The following MARCHF6 variants were observed in gnomAD, a reference collection of about 807,000 sequenced individuals.
The protein encoded by MARCHF6 is membrane associated ring-CH-type finger 6.
MARCHF6 carries 31 observed loss-of-function variants against 133.7 expected under a neutral mutation model. That is an observed-to-expected ratio of 0.23 (90% CI 0.17 to 0.31). The LOEUF is 0.31. MARCHF6 is among the 10% of genes least tolerant of loss of function. The pLI, the probability that MARCHF6 is intolerant of heterozygous loss-of-function variation, is 1.00. For missense variants in MARCHF6, 723 were observed against 1,121.6 expected (o/e 0.64, Z 5.08); for synonymous variants, 395 against 402.5 (o/e 0.98, Z 0.22).
chr5:10,397,203 A>G (rs1738244720), intron 9 of MARCHF6, 90 bp from the exon 10 acceptor site: 14 of 870,852 alleles, frequency 1.6e-5, no homozygotes, highest in Non-Finnish European at 2.2e-5. Context: ...TGTTTTTACT[A>G]TTTGGCTCTA....
At chr5:10,388,408 A>G (rs745829698) in intron 5 of MARCHF6, among the ~76,000 whole-genome samples, 8 of 152,052 alleles carry the variant, frequency 5.3e-5, no homozygotes, top group Non-Finnish European at 8.8e-5. Context: ...ACCAGTTTCT[A>G]TGTATTCTGT....
chr5:10,395,108 T>C (rs1475361642), intron 9 of MARCHF6, among the ~76,000 whole-genome samples: 1 of 152,198 alleles, frequency 6.6e-6, no homozygotes, highest in Admixed American at 6.5e-5. Flanking sequence ...CAAAACTAAT[T>C]CTTTCTAGTA....
intron 10 of MARCHF6, among the ~76,000 whole-genome samples, chr5:10,398,778 G>A (rs372085254): frequency 3.3e-5 from 5 of 152,054 alleles, no homozygotes; most frequent in African/African-American, 9.7e-5. Context: ...CTTATATTGC[G>A]AAAAGAATTT....
rs1021935627 is a variant in MARCHF6 at position 10,426,260 on chromosome 5, C to T, written c.2374-130C>T. 20 of 1,048,842 alleles carry T rather than the reference C, an allele frequency of 1.9e-5. No individual in the cohort carries two copies. In the Admixed American group the frequency reaches 4.4e-4, roughly 23 times the overall value. 65.0% of individuals were successfully genotyped at this position (1,048,842 alleles called of 1,614,324 possible). A position where few individuals can be genotyped will look rare whatever the true frequency, so the allele number is the denominator to read the frequency against. ...CTTATGTTGATATACCAGAATTTGC[C>T]TTGACTTTAGAAGAAGTAACCAGTT... On this transcript the variant is annotated intron_variant, in intron 23 of 25. Transcript: ENST00000274140.
Position 10,434,042 on chromosome 5 carries a change from G to C in MARCHF6, c.*358G>C. On this transcript the variant is annotated 3_prime_UTR_variant, in exon 26 of 26. Transcript: ENST00000274140. ...ATCTCGACAGGAAACGTGCCACAGAGCAGTAGTGCGCAGGCAAGACTTTTC... is the reference window on the plus strand; with the variant it reads ...ATCTCGACAGGAAACGTGCCACAGACCAGTAGTGCGCAGGCAAGACTTTTC... 4.4e-6 allele frequency: 1 copy of C among 225,966 alleles called. No homozygotes were observed. The allele number at this position is 225,966 out of a possible 1,614,324, so 14.0% of individuals were successfully genotyped here.
chr5:10,363,946 G>C (rs1029229498), intron 1 of MARCHF6, among the ~76,000 whole-genome samples: 1 of 152,212 alleles, frequency 6.6e-6, no homozygotes, highest in African/African-American at 2.4e-5. Context: ...TGGAACTGGG[G>C]AGAGCAGATG....
In MARCHF6 at chr5:10,377,887, CA is replaced by C; in HGVS notation, c.111del (p.Glu38AsnfsTer3). 1 of 1,605,546 alleles carries C rather than the reference CA, an allele frequency of 6.2e-7. No homozygotes were observed. Among genetic ancestry groups the C allele is most frequent in the Non-Finnish European group, 8.5e-7 (1 of 1,172,368 alleles). ...VCTGSIKFIH[Q>X]ECLVQWLKHS... Reference sequence around the variant, plus strand: ...TACTGGCAGTATTAAGTTTATCCATCAAGAATGGTAAGTCATACTTTTAGAA... The same window carrying C: ...TACTGGCAGTATTAAGTTTATCCATCAGAATGGTAAGTCATACTTTTAGAA... On this transcript the variant is annotated frameshift_variant, in exon 2 of 26. Transcript: ENST00000274140. LOFTEE classifies it high-confidence loss of function.
At chr5:10,380,155 T>TTG (rs200405883) in intron 3 of MARCHF6, among the ~76,000 whole-genome samples, 23,343 of 145,688 alleles carry the variant, frequency 0.16, 1,740 homozygotes, top group Middle Eastern at 0.2. Flanking sequence ...TGTGTTTTAG[T>TTG]TGTGTGTGTG....
intron 5 of MARCHF6, 38 bp from the exon 6 acceptor site, chr5:10,390,294 T>G (rs1274148394): frequency 5.2e-6 from 8 of 1,549,042 alleles, no homozygotes; most frequent in East Asian, 2.4e-5. Context: ...ATTTTAAGTC[T>G]TCTTTGGAGT....
intron 25 of MARCHF6, among the ~76,000 whole-genome samples, chr5:10,432,427 C>G (rs1740415335): frequency 6.6e-6 from 1 of 152,252 alleles, no homozygotes; most frequent in Non-Finnish European, 1.5e-5. Flanking sequence ...GACATTCTCC[C>G]TGATCTGCAT....
chr5:10,429,908 T>C lies in MARCHF6; in HGVS notation c.2522T>C (p.Met841Thr). 3 of 1,612,508 alleles carry C rather than the reference T, an allele frequency of 1.9e-6. No individual in the cohort carries two copies. The highest frequency in any genetic ancestry group is 2.5e-6 in the Non-Finnish European group (3 of 1,178,662). ...GGTTTTCTAGGTGTTACTGCGGAAA[T>C]GCAAAACTTAGTCCATCGGCGGATT... ...VVPLLGVTAE[M>T]QNLVHRRIYP... The change falls in exon 25 of 26, where the codon ATG (methionine) becomes ACG (threonine). Residue 841 changes from methionine (M) to threonine (T), a missense_variant. Met to Thr is a moderately conservative substitution (Grantham distance 81). Coordinates refer to ENST00000274140, the MANE Select transcript of MARCHF6 (RefSeq NM_005885.4).
At chr5:10,429,107 A>G (rs1481507246) in intron 24 of MARCHF6, among the ~76,000 whole-genome samples, 1 of 152,228 alleles carries the variant, frequency 6.6e-6, no homozygotes, top group Non-Finnish European at 1.5e-5. Context: ...GAGCTTATGC[A>G]CAGCACACTA....
In MARCHF6 at chr5:10,381,963, A is replaced by G; in HGVS notation, c.334+20A>G. 1 of 1,606,568 alleles carries G rather than the reference A, an allele frequency of 6.2e-7. No individual in the cohort carries two copies. Among genetic ancestry groups the G allele is most frequent in the Non-Finnish European group, 8.5e-7 (1 of 1,175,244 alleles). On this transcript the variant is annotated intron_variant, in intron 4 of 25. Coordinates refer to ENST00000274140, the MANE Select transcript of MARCHF6 (RefSeq NM_005885.4). ...CAGCATGTGAGTATTCATGCCTCTG[A>G]TTGGAGTTATTTAAACATTGCATAA... is the stretch of plus-strand genomic sequence containing the variant.
intron 23 of MARCHF6, among the ~76,000 whole-genome samples, chr5:10,425,973 T>G (rs570168421): frequency 6.6e-6 from 1 of 152,348 alleles, no homozygotes; most frequent in African/African-American, 2.4e-5. Context: ...TGCTTCAGTG[T>G]TTTCTCATCA....
intron 19 of MARCHF6, among the ~76,000 whole-genome samples, chr5:10,413,958 T>C (rs1243331462): frequency 6.6e-6 from 1 of 152,170 alleles, no homozygotes; most frequent in East Asian, 1.9e-4. Context: ...TAAAATTAAA[T>C]AAAGTTAAAA....
chr5:10,428,693 A>T (rs997467269), intron 24 of MARCHF6, among the ~76,000 whole-genome samples: 1 of 152,188 alleles, frequency 6.6e-6, no homozygotes, highest in Non-Finnish European at 1.5e-5. Flanking sequence ...TTGACTCTTT[A>T]GAACAATCTC....
chr5:10,358,387 G>A (rs1735610718), intron 1 of MARCHF6, among the ~76,000 whole-genome samples: 1 of 152,160 alleles, frequency 6.6e-6, no homozygotes, highest in African/African-American at 2.4e-5. Flanking sequence ...AAATTGTCTT[G>A]ATATGCAGCC....
intron 1 of MARCHF6, among the ~76,000 whole-genome samples, chr5:10,376,123 T>G (rs930701650): frequency 6.6e-6 from 1 of 152,134 alleles, no homozygotes; most frequent in Non-Finnish European, 1.5e-5. Context: ...GCTGCTCGGG[T>G]CCCCTTCCAC....
chr5:10,410,713 A>G (rs1739179424), intron 18 of MARCHF6, among the ~76,000 whole-genome samples: 1 of 152,192 alleles, frequency 6.6e-6, no homozygotes, highest in African/African-American at 2.4e-5. Flanking sequence ...ATATTTATTT[A>G]AAAGTTGAAT....
Sources: allele counts gnomAD v4.1 joint callset (sites outside exome capture counted in the v4.1 genomes callset), GRCh38; gene constraint gnomAD v4.1.1; transcripts MANE v1.5; gene names NCBI Gene and HGNC (gene_info 2026-07-23, HGNC 2026-07-21).